The following TBC1D1 variants were observed in gnomAD, a reference collection of about 807,000 sequenced individuals.
The protein encoded by TBC1D1 is TBC1 domain family member 1.
TBC1D1 carries 89 observed loss-of-function variants against 125.6 expected under a neutral mutation model. The observed-to-expected ratio is 0.71, with a 90% CI of 0.60 to 0.85. TBC1D1 has a LOEUF of 0.85. Ranked by LOEUF, TBC1D1 falls within the 40% of genes least tolerant of loss-of-function variation. The pLI is 0.00. For synonymous variants in TBC1D1, 565 were observed against 564.1 expected, an observed-to-expected ratio of 1.00 and a Z score of -0.02; for missense variants, 1,377 against 1,469.2, an observed-to-expected ratio of 0.94 and a Z score of 1.03.
At chr4:37,966,017 G>T (rs1730991163) in intron 2 of TBC1D1, among the ~76,000 whole-genome samples, 1 of 152,134 alleles carries the variant, frequency 6.6e-6, no homozygotes, top group South Asian at 2.1e-4. Flanking sequence ...AAAGTGCTGG[G>T]ATTACAGGTG....
Position 38,044,345 on chromosome 4 carries a change from GTTT to G in TBC1D1, c.1414-14_1414-12del. Reference sequence around the variant, plus strand: ...AGAAGGGAGCGATAAATGACTTTTCGTTTTTCACTTTTTTAGACATCGCAGATG... The same window carrying G: ...AGAAGGGAGCGATAAATGACTTTTCGTTCACTTTTTTAGACATCGCAGATG... On this transcript the variant is annotated splice_polypyrimidine_tract_variant and intron_variant, in intron 8 of 19. Coordinates refer to ENST00000261439, the MANE Select transcript of TBC1D1 (RefSeq NM_015173.4). The G allele has an allele frequency of 6.3e-7, 1 of 1,589,628 alleles. No individual in the cohort carries two copies. Among genetic ancestry groups the G allele is most frequent in the East Asian group, 2.2e-5 (1 of 44,600 alleles).
At chr4:38,050,044 G>A in intron 11 of TBC1D1, 146 bp downstream of exon 11, 3 of 917,548 alleles carry the variant, frequency 3.3e-6, no homozygotes, top group Non-Finnish European at 4.8e-6. Flanking sequence ...GCAGTGACAT[G>A]TTCGTTCGAG....
intron 2 of TBC1D1, among the ~76,000 whole-genome samples, chr4:37,929,222 C>T (rs1353937980): frequency 1.3e-5 from 2 of 152,098 alleles, no homozygotes; most frequent in Admixed American, 1.3e-4. Context: ...TATTCATCTA[C>T]CAGTCCAGCT....
chr4:38,139,166 T>C lies in TBC1D1; in HGVS notation c.*1831T>C, dbSNP rs971026274. On this transcript the variant is annotated 3_prime_UTR_variant, in exon 20 of 20. Coordinates refer to ENST00000261439, the MANE Select transcript of TBC1D1 (RefSeq NM_015173.4). ...AAGCAATAAAACAAGAAATAATTCATGCTCACATTTTTATGGTGGTTTTTT... is the reference window on the plus strand; with the variant it reads ...AAGCAATAAAACAAGAAATAATTCACGCTCACATTTTTATGGTGGTTTTTT... 1.3e-5 allele frequency: 2 copies of C among 151,356 alleles called. No homozygotes were observed. The highest frequency in any genetic ancestry group is 6.6e-5 in the Admixed American group (1 of 15,144). The allele number at this position is 151,356 out of a possible 1,614,324, so 9.4% of individuals were successfully genotyped here.
intron 1 of TBC1D1, among the ~76,000 whole-genome samples, chr4:37,901,424 T>G (rs924875750): frequency 6.6e-6 from 1 of 152,158 alleles, no homozygotes; most frequent in Non-Finnish European, 1.5e-5. Flanking sequence ...CTCAAAGTGC[T>G]GGGATTACAG....
At chr4:37,920,169 G>T (rs1720644925) in intron 2 of TBC1D1, among the ~76,000 whole-genome samples, 1 of 152,202 alleles carries the variant, frequency 6.6e-6, no homozygotes, top group Non-Finnish European at 1.5e-5. Context: ...AGTGTGCTAG[G>T]CTTAGTGGGT....
intron 12 of TBC1D1, among the ~76,000 whole-genome samples, chr4:38,067,686 A>G (rs1026763628): frequency 3.9e-5 from 6 of 152,218 alleles, no homozygotes; most frequent in African/African-American, 7.2e-5. Context: ...AGAGAAACCC[A>G]TATGGACCAC....
chr4:37,913,539 C>T (rs1008643057), intron 2 of TBC1D1, among the ~76,000 whole-genome samples: 19 of 151,744 alleles, frequency 1.3e-4, no homozygotes, highest in South Asian at 4.2e-4. Flanking sequence ...GCAGAGGTTG[C>T]GGTGAGCTGA....
At chr4:37,899,376 A>AT (rs1424159708) in intron 1 of TBC1D1, among the ~76,000 whole-genome samples, 8 of 152,168 alleles carry the variant, frequency 5.3e-5, no homozygotes, top group Admixed American at 3.3e-4. Context: ...TTAATGGCCT[A>AT]TATGGATCTG....
chr4:38,001,819 C>T (rs182158749), intron 2 of TBC1D1, among the ~76,000 whole-genome samples: 294 of 152,316 alleles, frequency 1.9e-3, no homozygotes, highest in African/African-American at 6.5e-3. Flanking sequence ...TGTATGTGCT[C>T]ATCACTGCTT....
intron 2 of TBC1D1, among the ~76,000 whole-genome samples, chr4:37,947,871 T>C (rs534441667): frequency 6.0e-4 from 91 of 151,918 alleles, no homozygotes; most frequent in Non-Finnish European, 1.1e-3. Flanking sequence ...AAAACACAAG[T>C]GGACAGTTCA....
Position 38,137,453 on chromosome 4 carries a change from G to T in TBC1D1, c.*118G>T. ...AAGTGTGCTTCTCAGGGAGGAAACC[G>T]GCTTGCCAGCAAGTAGATTCTTACG... On this transcript the variant is annotated 3_prime_UTR_variant, in exon 20 of 20. Transcript: ENST00000261439. 1 of 1,297,564 alleles carries T rather than the reference G, an allele frequency of 7.7e-7. No homozygotes were observed. The highest frequency in any genetic ancestry group is 9.8e-7 in the Non-Finnish European group (1 of 1,017,948). 80.4% of individuals were successfully genotyped at this position (1,297,564 alleles called of 1,614,324 possible). A position where few individuals can be genotyped will look rare whatever the true frequency, so the allele number is the denominator to read the frequency against.
rs1749344021 is a variant in TBC1D1, at chr4:38,045,876, G to A, written c.1602G>A (p.Leu534=). Reference sequence around the variant, plus strand: ...TCAGTGTGGATCTGGATAGCTCCCTGTCTAGTACATTAAGTAACACCAGCA... The same window carrying A: ...TCAGTGTGGATCTGGATAGCTCCCTATCTAGTACATTAAGTAACACCAGCA... The change falls in exon 10 of 20, where the codon CTG becomes CTA. Residue 534 remains leucine, a synonymous_variant. Coordinates refer to ENST00000261439, the MANE Select transcript of TBC1D1 (RefSeq NM_015173.4). The A allele has an allele frequency of 6.2e-7, 1 of 1,613,670 alleles. No individual in the cohort carries two copies. The highest frequency in any genetic ancestry group is 1.7e-5 in the Admixed American group (1 of 59,990).
intron 12 of TBC1D1, among the ~76,000 whole-genome samples, chr4:38,078,311 A>G (rs536576330): frequency 2.6e-5 from 4 of 152,164 alleles, no homozygotes; most frequent in Non-Finnish European, 5.9e-5. Context: ...CTTTAAACAT[A>G]TTCCTTTTTT....
At chr4:37,897,520 A>G (rs1714911870) in intron 1 of TBC1D1, among the ~76,000 whole-genome samples, 1 of 152,174 alleles carries the variant, frequency 6.6e-6, no homozygotes, top group African/African-American at 2.4e-5. Flanking sequence ...AAAAACAAAA[A>G]CTTCAGGCAT....
chr4:38,049,651 A>G lies in TBC1D1; in HGVS notation c.1663A>G (p.Ile555Val), dbSNP rs1750110859. ...TGTGTGTGAAAAGGAGGCCTTGCCC[A>G]TCTCTGAGAGCTCCTTTAAGCTCCT... The change falls in exon 11 of 20, where the codon ATC becomes GTC. Residue 555 changes from isoleucine to valine, a missense_variant. Physicochemically the swap from Ile to Val is conservative, Grantham distance 29. Transcript: ENST00000261439. The G allele has an allele frequency of 6.2e-7, 1 of 1,612,732 alleles. No homozygotes were observed. The highest frequency in any genetic ancestry group is 1.1e-5 in the South Asian group (1 of 91,030).
At chr4:37,960,400 A>C (rs768009665) in intron 2 of TBC1D1, 12 of 1,555,456 alleles carry the variant, frequency 7.7e-6, no homozygotes, top group Non-Finnish European at 1.0e-5. Context: ...ACGGTCTTAG[A>C]TGAATGTGGC....
Position 38,021,713 on chromosome 4 carries a change from T to C in TBC1D1, c.1205T>C (p.Ile402Thr), listed in dbSNP as rs965131432. ...AGCCTGCACAAGCTCTGTGAGAGGATAGAGGGTGAGTAGGGGACCCTTTCC... is the reference window on the plus strand; with the variant it reads ...AGCCTGCACAAGCTCTGTGAGAGGACAGAGGGTGAGTAGGGGACCCTTTCC... The change falls in exon 6 of 20, where the codon ATA (isoleucine) becomes ACA (threonine). Residue 402 changes from isoleucine (I) to threonine (T), a missense_variant. Coordinates refer to ENST00000261439, the MANE Select transcript of TBC1D1 (RefSeq NM_015173.4). The C allele has an allele frequency of 3.8e-6, 6 of 1,571,534 alleles. No individual in the cohort carries two copies. In the Admixed American group the frequency reaches 1.2e-4, roughly 31 times the overall value.
chr4:37,970,134 G>A (rs73810080), intron 2 of TBC1D1, among the ~76,000 whole-genome samples: 2,448 of 152,246 alleles, frequency 0.016, 71 homozygotes, highest in African/African-American at 0.056. Flanking sequence ...ACCATATCTT[G>A]TTGATCCATT....
Sources: allele counts gnomAD v4.1 joint callset (sites outside exome capture counted in the v4.1 genomes callset), GRCh38; gene constraint gnomAD v4.1.1; transcripts MANE v1.5; gene names NCBI Gene and HGNC (gene_info 2026-07-23, HGNC 2026-07-21).